Variants in PHF24 observed in about 807,000 individuals in gnomAD.
PHF24 encodes the protein Galpha inhibitory interacting protein.
A neutral mutation model predicts 42.6 loss-of-function variants in PHF24; 25 were observed. The ratio of observed to expected loss-of-function variants is 0.59; its 90% CI spans 0.43 to 0.82. PHF24 has a LOEUF of 0.82. PHF24 is among the 40% of genes least tolerant of loss of function. PHF24 has a pLI of 0.00. For missense variants in PHF24, 470 were observed against 538.1 expected (o/e 0.87, Z 1.25); for synonymous variants, 185 against 204.8 (o/e 0.90, Z 0.83).
At chr9:34,971,668 A>C (rs774811845) in exon 2 of PHF24, 2 of 1,609,138 alleles carry the variant, frequency 1.2e-6, no homozygotes, top group South Asian at 2.2e-5. Context: ...CCTGGAGCCC[A>C]GAGAGCCTGT....
chr9:34,832,773 T>C, the PHF24 span: 1 of 1,550,896 alleles, frequency 6.4e-7, no homozygotes, highest in Non-Finnish European at 8.7e-7. Context: ...AGGCTTAGCC[T>C]GAGTTGGTTG....
the PHF24 span, among the ~76,000 whole-genome samples, chr9:34,855,392 G>C: frequency 2.0e-5 from 3 of 152,180 alleles, no homozygotes; most frequent in African/African-American, 7.2e-5. Flanking sequence ...ACTTCAGTGT[G>C]CTTCTTTAGT....
the PHF24 span, among the ~76,000 whole-genome samples, chr9:34,782,068 T>C: frequency 6.6e-6 from 1 of 152,178 alleles, no homozygotes; most frequent in Non-Finnish European, 1.5e-5. Flanking sequence ...AATGTGAGAT[T>C]CTTTCCTGAA....
the PHF24 span, among the ~76,000 whole-genome samples, chr9:34,784,768 T>G: frequency 6.6e-6 from 1 of 152,330 alleles, no homozygotes; most frequent in Middle Eastern, 3.4e-3. Context: ...GTAAGACATA[T>G]GTTTTCTTAG....
At chr9:34,864,515 A>T in the PHF24 span, among the ~76,000 whole-genome samples, 1 of 152,184 alleles carries the variant, frequency 6.6e-6, no homozygotes, top group Non-Finnish European at 1.5e-5. Flanking sequence ...GAAGGAAAAA[A>T]AAAACTTTTA....
the PHF24 span, among the ~76,000 whole-genome samples, chr9:34,781,543 T>A: frequency 6.6e-6 from 1 of 152,170 alleles, no homozygotes; most frequent in South Asian, 2.1e-4. Context: ...TGTACAACAT[T>A]GTGAATGTAA....
At chr9:34,704,220 G>A in the PHF24 span, among the ~76,000 whole-genome samples, 1 of 150,198 alleles carries the variant, frequency 6.7e-6, no homozygotes, top group African/African-American at 2.5e-5. Flanking sequence ...TGTAGAGACA[G>A]GGGTCTTGCT....
At chr9:34,766,234 C>G in the PHF24 span, among the ~76,000 whole-genome samples, 1 of 152,146 alleles carries the variant, frequency 6.6e-6, no homozygotes, top group Non-Finnish European at 1.5e-5. Flanking sequence ...TTTCCTGAAT[C>G]TGAATGTTGG....
the PHF24 span, among the ~76,000 whole-genome samples, chr9:34,919,435 C>T: frequency 1.3e-5 from 2 of 152,056 alleles, no homozygotes; most frequent in South Asian, 2.1e-4. Flanking sequence ...CACCCATTAG[C>T]GAACCTCTGT....
the PHF24 span, among the ~76,000 whole-genome samples, chr9:34,825,877 G>T: frequency 6.6e-6 from 1 of 152,124 alleles, no homozygotes; most frequent in South Asian, 2.1e-4. Context: ...ACTGCAAGGA[G>T]GGCTTCCCTT....
chr9:34,893,173 A>C, the PHF24 span: 1 of 508,268 alleles, frequency 2.0e-6, no homozygotes, highest in Non-Finnish European at 3.3e-6. Context: ...AAACATGACA[A>C]ACATTAATGA....
chr9:34,718,948 C>T, the PHF24 span, among the ~76,000 whole-genome samples: 1 of 152,222 alleles, frequency 6.6e-6, no homozygotes, highest in East Asian at 1.9e-4. Context: ...ATGATGTTAC[C>T]TGAGTGTGCC....
the PHF24 span, among the ~76,000 whole-genome samples, chr9:34,825,167 C>T: frequency 6.6e-6 from 1 of 151,824 alleles, no homozygotes; most frequent in Non-Finnish European, 1.5e-5. Flanking sequence ...TTGTTCTTCC[C>T]TTGTGTCTGC....
the PHF24 span, among the ~76,000 whole-genome samples, chr9:34,679,087 C>T: frequency 2.6e-5 from 4 of 152,236 alleles, no homozygotes; most frequent in Non-Finnish European, 5.9e-5. Flanking sequence ...CTGGATGTAC[C>T]TTCTCAGGGC....
intron 3 of PHF24, among the ~76,000 whole-genome samples, chr9:34,973,853 C>A (rs936005446): frequency 2.0e-5 from 3 of 152,128 alleles, no homozygotes; most frequent in Non-Finnish European, 4.4e-5. Context: ...GAAGGGGTCA[C>A]CTCCCTAACC....
At chr9:34,811,110 G>C in the PHF24 span, among the ~76,000 whole-genome samples, 1 of 152,206 alleles carries the variant, frequency 6.6e-6, no homozygotes, top group Non-Finnish European at 1.5e-5. Context: ...ACAGCTTTGT[G>C]AAATTATCCC....
the PHF24 span, among the ~76,000 whole-genome samples, chr9:34,856,944 T>C: frequency 6.6e-6 from 1 of 152,210 alleles, no homozygotes; most frequent in African/African-American, 2.4e-5. Flanking sequence ...TCTGTACATA[T>C]AGCCCTGGCT....
the PHF24 span, among the ~76,000 whole-genome samples, chr9:34,820,988 T>C: frequency 6.6e-6 from 1 of 152,368 alleles, no homozygotes; most frequent in East Asian, 1.9e-4. Context: ...TGATCAGTGC[T>C]GTTGAGCATG....
chr9:34,713,273 G>A, the PHF24 span, among the ~76,000 whole-genome samples: 1 of 152,184 alleles, frequency 6.6e-6, no homozygotes, highest in Non-Finnish European at 1.5e-5. Context: ...GGAAGATCCT[G>A]AAGCCCAAGA....
Sources: allele counts gnomAD v4.1 joint callset (sites outside exome capture counted in the v4.1 genomes callset), GRCh38; gene constraint gnomAD v4.1.1; transcripts MANE v1.5; gene names NCBI Gene and HGNC (gene_info 2026-07-23, HGNC 2026-07-21).